The following STK36 variants were observed in gnomAD, a reference collection of about 807,000 sequenced individuals.
The protein encoded by STK36 is serine/threonine kinase 36.
A neutral mutation model predicts 142.2 loss-of-function variants in STK36; 116 were observed. That is an observed-to-expected ratio of 0.82 (90% confidence interval 0.70 to 0.95). The LOEUF (loss-of-function observed/expected upper bound fraction) is 0.95, where lower values mean the gene tolerates loss of function less well. Among genes scored for constraint, STK36 ranks in the 40% least tolerant of loss-of-function variants. The pLI, the probability that STK36 is intolerant of heterozygous loss-of-function variation, is 0.00. For synonymous variants in STK36, 619 were observed against 641.7 expected (o/e 0.96, Z 0.53); for missense variants, 1,422 against 1,617.2 (o/e 0.88, Z 2.07).
At chr2:218,675,899 TG>T (rs1940219997) in intron 5 of STK36, 129 bp from the exon 6 acceptor site, 1 of 1,189,896 alleles carries the variant, frequency 8.4e-7, no homozygotes, top group African/African-American at 1.5e-5. Flanking sequence ...CTGGGACTGC[TG>T]CTGGGTCTTC....
chr2:218,680,828 C>T lies in STK36; in HGVS notation c.1236+126C>T, dbSNP rs1035360694. The T allele has an allele frequency of 9.4e-5, 63 of 669,540 alleles. 2 individuals carry two copies. In the South Asian group the frequency reaches 1.3e-3, roughly 13 times the overall value. The allele number at this position is 669,540 out of a possible 1,614,324, so 41.5% of individuals were successfully genotyped here. A position where few individuals can be genotyped will look rare whatever the true frequency, so the allele number is the denominator to read the frequency against. On this transcript the variant is annotated intron_variant, in intron 10 of 26. Transcript: ENST00000295709. ...GCTCCCTTTGTGTTAAAAAGTATTGCTTTATTATTATAGATTTTAATTGTA... is the reference window on the plus strand; with the variant it reads ...GCTCCCTTTGTGTTAAAAAGTATTGTTTTATTATTATAGATTTTAATTGTA...
intron 21 of STK36, among the ~76,000 whole-genome samples, chr2:218,696,102 TC>T (rs1263138567): frequency 6.6e-6 from 1 of 151,896 alleles, no homozygotes; most frequent in Non-Finnish European, 1.5e-5. Flanking sequence ...GACTTCCTGA[TC>T]CCCCCGCCTC....
chr2:218,696,968 A>G (rs1941255919), intron 22 of STK36, 71 bp from the exon 23 acceptor site: 11 of 1,588,208 alleles, frequency 6.9e-6, no homozygotes, highest in Admixed American at 1.7e-5. Flanking sequence ...AGTCAGGGAC[A>G]GGAATGAATA....
In STK36 at chr2:218,699,173, G is replaced by A. The variant is rs143633259; in HGVS notation, c.3629G>A (p.Arg1210His). 80 of 1,614,062 alleles carry A rather than the reference G, an allele frequency of 5.0e-5. No homozygotes were observed. The highest frequency in any genetic ancestry group is 1.6e-4 in the African/African-American group (12 of 75,034). ...GGAGATCCTCAGGCTGGTATCCGGCGCAATGTTGCATCAGCTCTGGGCAAC... is the reference window on the plus strand; with the variant it reads ...GGAGATCCTCAGGCTGGTATCCGGCACAATGTTGCATCAGCTCTGGGCAAC... ...LLGDPQAGIR[R>H]NVASALGNLG... Residue 1210 changes from arginine to histidine, a missense_variant, in exon 26 of 27, where the codon CGC (arginine) becomes CAC (histidine). Around this residue, in one of 2 missense-constraint regions of STK36, gnomAD observed 962 missense variants for 1,167.5 expected, o/e 0.82. Coordinates refer to ENST00000295709, the MANE Select transcript of STK36 (RefSeq NM_015690.5).
chr2:218,673,175 C>T, intron 2 of STK36: 1 of 447,820 alleles, frequency 2.2e-6, no homozygotes, highest in South Asian at 3.0e-5. Flanking sequence ...GGGATAAGAA[C>T]AGCAACTGAT....
At chr2:218,690,915 G>T (rs914461143) in intron 14 of STK36, among the ~76,000 whole-genome samples, 1 of 152,198 alleles carries the variant, frequency 6.6e-6, no homozygotes, top group African/African-American at 2.4e-5. Flanking sequence ...AATCATCTCT[G>T]CTAGCATTTG....
intron 26 of STK36, 83 bp downstream of exon 26, chr2:218,699,431 T>C (rs1234165973): frequency 6.5e-7 from 1 of 1,528,464 alleles, no homozygotes; most frequent in Non-Finnish European, 8.8e-7. Context: ...TGTAAGGAAT[T>C]GGAATCGGGA....
rs1305793162 is a variant in STK36 at position 218,697,837 on chromosome 2, G to A, written c.2910-17G>A. The A allele has an allele frequency of 4.3e-6, 7 of 1,614,000 alleles. No homozygotes were observed. In the East Asian group the frequency reaches 6.7e-5, roughly 15 times the overall value. On this transcript the variant is annotated splice_polypyrimidine_tract_variant and intron_variant, in intron 24 of 26. Coordinates refer to ENST00000295709, the MANE Select transcript of STK36 (RefSeq NM_015690.5). Reference sequence around the variant, plus strand: ...TAAGTGAACAAGACCAAGTCTCTTCGACATTCCTCTCCTTAGGCCTCATGG... The same window carrying A: ...TAAGTGAACAAGACCAAGTCTCTTCAACATTCCTCTCCTTAGGCCTCATGG...
Position 218,693,328 on chromosome 2 carries a change from G to A in STK36, c.2132G>A (p.Cys711Tyr), listed in dbSNP as rs1450609092. The change falls in exon 17 of 27, where the codon TGC becomes TAC. Residue 711 changes from cysteine to tyrosine, a missense_variant. Coordinates refer to ENST00000295709, the MANE Select transcript of STK36 (RefSeq NM_015690.5). ...TCTGGCCTGCAGCATCCCATCCTGTGCCTGCACCTTCTCAAGGTAATCCTC... is the reference window on the plus strand; with the variant it reads ...TCTGGCCTGCAGCATCCCATCCTGTACCTGCACCTTCTCAAGGTAATCCTC... ...LISGLQHPIL[C>Y]LHLLKVLYSC... The A allele has an allele frequency of 1.9e-6, 3 of 1,614,010 alleles. No individual in the cohort carries two copies. In the African/African-American group the frequency reaches 4.0e-5, roughly 22 times the overall value.
rs1203502084 is a variant in STK36, at chr2:218,694,356, C to T, written c.2400+29C>T. 2.5e-6 allele frequency: 4 copies of T among 1,601,792 alleles called. No homozygotes were observed. The highest frequency in any genetic ancestry group is 1.3e-5 in the African/African-American group (1 of 74,604). Reference sequence around the variant, plus strand: ...AGTTTTTAACCTTCACCCTCCTCCCCTTTTCACCCTAGCATCTACCCCTTG... The same window carrying T: ...AGTTTTTAACCTTCACCCTCCTCCCTTTTTCACCCTAGCATCTACCCCTTG... On this transcript the variant is annotated intron_variant, in intron 20 of 26. Transcript: ENST00000295709. This position sits in a 1 kb window ranked among gnomAD's most constrained non-coding sequence, Gnocchi z 4.4.
In STK36 at chr2:218,676,235, A is replaced by G; in HGVS notation, c.641A>G (p.Lys214Arg). 3 of 1,614,216 alleles carry G rather than the reference A, an allele frequency of 1.9e-6. No individual in the cohort carries two copies. The highest frequency in any genetic ancestry group is 2.5e-6 in the Non-Finnish European group (3 of 1,180,044). Residue 214 changes from lysine to arginine, a missense_variant, in exon 6 of 27, where the codon AAG (lysine) becomes AGG (arginine). Transcript: ENST00000295709. ...TTTCAGCTGGTCAGCCTCATTCTCA[A>G]GGACCCTGTGCGCTGGCCCTCAACC... Reference protein sequence around the residue: ...SIFQLVSLILKDPVRWPSTIS... With the variant: ...SIFQLVSLILRDPVRWPSTIS...
At position 218,694,786 on chromosome 2, in the gene STK36, G is replaced by A. The variant is rs1036625450; in HGVS notation, c.2511+151G>A. 8 of 673,116 alleles carry A rather than the reference G, an allele frequency of 1.2e-5. No homozygotes were observed. The highest frequency in any genetic ancestry group is 1.1e-4 in the East Asian group (4 of 36,542). 41.7% of individuals were successfully genotyped at this position (673,116 alleles called of 1,614,324 possible). ...GAGCCCTTCCTTTTCTAGATTTGTC[G>A]CCGGATGATAGGCCCCTCTGAGCCC... On this transcript the variant is annotated intron_variant, in intron 21 of 26. Transcript: ENST00000295709. The surrounding 1 kb of genome is among the most constrained non-coding windows in gnomAD (Gnocchi z 4.4).
At chr2:218,681,150 CAG>C (rs1483969166) in intron 10 of STK36, among the ~76,000 whole-genome samples, 1 of 142,868 alleles carries the variant, frequency 7.0e-6, no homozygotes, top group African/African-American at 2.6e-5. Flanking sequence ...TTTTTCGAGA[CAG>C]AGTCTCACCC....
chr2:218,691,583 G>C (rs1940999226), intron 14 of STK36, among the ~76,000 whole-genome samples: 2 of 151,734 alleles, frequency 1.3e-5, no homozygotes, highest in African/African-American at 4.8e-5. Flanking sequence ...TTGGAGACAG[G>C]GTCTCTCTGT....
Position 218,702,286 on chromosome 2 carries a change from A to G in STK36, c.*277A>G, listed in dbSNP as rs181017594. 5.3e-5 allele frequency: 16 copies of G among 299,526 alleles called. No homozygotes were observed. Among genetic ancestry groups the G allele is most frequent in the African/African-American group, 3.0e-4 (14 of 45,962 alleles). 18.6% of individuals were successfully genotyped at this position (299,526 alleles called of 1,614,324 possible). On this transcript the variant is annotated 3_prime_UTR_variant, in exon 27 of 27. Coordinates refer to ENST00000295709, the MANE Select transcript of STK36 (RefSeq NM_015690.5). ...GCCTTTTCTCCAATAATGTGCCTTT[A>G]ACTCTAGGGACCTGCCTCACGGACC...
chr2:218,695,946 C>G (rs1027784384), intron 21 of STK36, among the ~76,000 whole-genome samples: 1 of 150,494 alleles, frequency 6.6e-6, no homozygotes, highest in African/African-American at 2.5e-5. Context: ...TCACTGCAAC[C>G]TCCACCTCCT....
chr2:218,689,014 T>G, intron 12 of STK36, 138 bp downstream of exon 12: 1 of 900,932 alleles, frequency 1.1e-6, no homozygotes, highest in Non-Finnish European at 1.6e-6. Context: ...AGACTATTAA[T>G]TGCAAACTCT....
intron 8 of STK36, 68 bp downstream of exon 8, chr2:218,679,797 G>A (rs1940428467): frequency 3.1e-6 from 5 of 1,609,052 alleles, no homozygotes; most frequent in Non-Finnish European, 4.3e-6. Context: ...GGAGGAGGGT[G>A]ACTTTCTAGG....
At chr2:218,696,858 G>GGT (rs760279374) in intron 22 of STK36, 181 bp from the exon 23 acceptor site, 11 of 998,626 alleles carry the variant, frequency 1.1e-5, no homozygotes, top group Non-Finnish European at 1.7e-5. Context: ...GAGTTGTGAG[G>GGT]TCAGAGGGTT....
Sources: allele counts gnomAD v4.1 joint callset (sites outside exome capture counted in the v4.1 genomes callset), GRCh38; gene constraint gnomAD v4.1.1; regional missense constraint gnomAD v4.1.1; non-coding constraint Gnocchi (gnomAD v3.1); transcripts MANE v1.5; gene names NCBI Gene and HGNC (gene_info 2026-07-23, HGNC 2026-07-21).